IFT74: variants seen among roughly 807,000 people sequenced by gnomAD.
IFT74 encodes the protein intraflagellar transport 74, also known as intraflagellar transport protein 74 homolog.
Under a neutral mutation model 96.7 loss-of-function variants are expected in IFT74, and 92 were observed. The ratio of observed to expected loss-of-function variants is 0.95; its 90% CI spans 0.80 to 1.13. The LOEUF (loss-of-function observed/expected upper bound fraction) is 1.13. Among genes scored for constraint, IFT74 ranks in the 50% most tolerant of loss-of-function variants. The pLI is 0.00. For missense variants in IFT74, 811 were observed against 698.2 expected (o/e 1.16, Z -1.82); for synonymous variants, 223 against 213.2 (o/e 1.05, Z -0.40).
intron 9 of IFT74, among the ~76,000 whole-genome samples, chr9:27,011,191 G>T (rs371451874): frequency 1.4e-4 from 22 of 152,260 alleles, no homozygotes; most frequent in African/African-American, 4.3e-4. Context: ...GGCGGAGGTT[G>T]CAGTGAGCCG....
At chr9:27,048,542 G>A (rs984291730) in intron 16 of IFT74, among the ~76,000 whole-genome samples, 3 of 152,192 alleles carry the variant, frequency 2.0e-5, no homozygotes, top group African/African-American at 7.2e-5. Flanking sequence ...ATGTTAAAGT[G>A]CTAAGGATAG....
At chr9:27,010,119 T>G (rs527612220) in intron 9 of IFT74, among the ~76,000 whole-genome samples, 7 of 151,126 alleles carry the variant, frequency 4.6e-5, no homozygotes, top group Non-Finnish European at 8.9e-5. Context: ...TCCCAAGTAG[T>G]TGGCACTACA....
chr9:26,957,539 T>C (rs552637303), intron 1 of IFT74, among the ~76,000 whole-genome samples: 8 of 152,312 alleles, frequency 5.3e-5, no homozygotes, highest in African/African-American at 1.9e-4. Context: ...TGTGAACATA[T>C]TCAAATGAGA....
rs187023332 is a variant in IFT74, at chr9:26,999,628, G to A, written c.588-9392G>A. The A allele has an allele frequency of 3.7e-6, 6 of 1,602,306 alleles. No individual in the cohort carries two copies. In the Admixed American group the frequency reaches 6.9e-5, roughly 18 times the overall value. On this transcript the variant is annotated intron_variant, in intron 8 of 19. Coordinates refer to ENST00000380062, the MANE Select transcript of IFT74 (RefSeq NM_025103.4). ...TAAAAACTTACTCTTTTAGAAGACT[G>A]GATTTTGTCTGATAATAATATCATG...
chr9:26,984,151 A>C (rs906522330), intron 4 of IFT74, 106 bp from the exon 5 acceptor site: 7 of 879,126 alleles, frequency 8.0e-6, no homozygotes, highest in Non-Finnish European at 1.2e-5. Context: ...GAATTTCACA[A>C]AACTATTTAT....
At chr9:27,043,465 G>A (rs988943336) in intron 13 of IFT74, among the ~76,000 whole-genome samples, 3 of 152,144 alleles carry the variant, frequency 2.0e-5, no homozygotes, top group African/African-American at 7.2e-5. Context: ...CAGCTGCCAT[G>A]TTCCTTCAAA....
At chr9:26,982,387 G>T (rs767611059) in intron 4 of IFT74, 4 of 437,854 alleles carry the variant, frequency 9.1e-6, no homozygotes, top group South Asian at 4.8e-5. Flanking sequence ...CCTCAGCCTC[G>T]TGCCTGTAAT....
At chr9:26,987,292 A>C (rs1001196751) in intron 6 of IFT74, among the ~76,000 whole-genome samples, 1 of 152,024 alleles carries the variant, frequency 6.6e-6, no homozygotes, top group South Asian at 2.1e-4. Flanking sequence ...GGGTTTCACC[A>C]TGTTGGCCAG....
At chr9:27,045,001 T>C (rs1416041147) in intron 14 of IFT74, among the ~76,000 whole-genome samples, 2 of 152,222 alleles carry the variant, frequency 1.3e-5, no homozygotes, top group African/African-American at 4.8e-5. Flanking sequence ...TGAGTGTCTA[T>C]ACGTTGGGGC....
chr9:26,999,639 G>C (rs772679331), intron 8 of IFT74: 1 of 1,607,800 alleles, frequency 6.2e-7, no homozygotes, highest in Non-Finnish European at 8.5e-7. Context: ...GATTTTGTCT[G>C]ATAATAATAT....
Position 26,984,537 on chromosome 9 carries a change from G to A in IFT74, c.443G>A (p.Gly148Glu), listed in dbSNP as rs576013565. Reference protein sequence around the residue: ...TLAVEIKELQGQLADYNMLVD... With the variant: ...TLAVEIKELQEQLADYNMLVD... ...GCTGTTGAGATAAAAGAGCTTCAAG[G>A]ACAACTAGCAGACTACAACATGGTA... The change falls in exon 6 of 20, where the codon GGA becomes GAA. Residue 148 changes from glycine to glutamate, a missense_variant. By Grantham distance (98) the Gly-to-Glu change is moderately conservative. Coordinates refer to ENST00000380062, the MANE Select transcript of IFT74 (RefSeq NM_025103.4). 23 of 1,612,110 alleles carry A rather than the reference G, an allele frequency of 1.4e-5. 1 individual carries two copies. In the South Asian group the frequency reaches 2.1e-4, roughly 15 times the overall value.
intron 2 of IFT74, among the ~76,000 whole-genome samples, chr9:26,971,638 G>T (rs1826883217): frequency 6.6e-6 from 1 of 152,150 alleles, no homozygotes; most frequent in South Asian, 2.1e-4. Flanking sequence ...TTGGCTATTT[G>T]ATCTGCAAGG....
At chr9:26,962,142 G>A in intron 2 of IFT74, 55 bp downstream of exon 2, 3 of 1,573,682 alleles carry the variant, frequency 1.9e-6, no homozygotes, top group East Asian at 2.3e-5. Flanking sequence ...AGGACCACTT[G>A]AGTCCAGGAG....
intron 13 of IFT74, among the ~76,000 whole-genome samples, chr9:27,037,476 A>G (rs577935977): frequency 6.6e-6 from 1 of 152,360 alleles, no homozygotes; most frequent in South Asian, 2.1e-4. Context: ...GCATTAGCTG[A>G]TGACCAGGCA....
intron 13 of IFT74, among the ~76,000 whole-genome samples, chr9:27,042,906 T>C (rs1218943944): frequency 6.6e-6 from 1 of 152,208 alleles, no homozygotes; most frequent in East Asian, 1.9e-4. Context: ...TCCAACTCTT[T>C]CTGTTTCCCA....
intron 12 of IFT74, among the ~76,000 whole-genome samples, chr9:27,021,281 C>T (rs1262363752): frequency 6.6e-6 from 1 of 152,060 alleles, no homozygotes; most frequent in East Asian, 1.9e-4. Flanking sequence ...GCAAATTGTA[C>T]TGCTGTCAAC....
intron 12 of IFT74, among the ~76,000 whole-genome samples, chr9:27,022,023 G>T (rs935404439): frequency 6.6e-6 from 1 of 152,188 alleles, no homozygotes; most frequent in South Asian, 2.1e-4. Context: ...TGAGAGATGA[G>T]GATCCAGTTT....
chr9:26,956,363 A>C (rs1826092528), upstream of IFT74: 1 of 152,264 alleles, frequency 6.6e-6, no homozygotes, highest in South Asian at 2.1e-4. Flanking sequence ...CAGGATGAGG[A>C]GCCTCCGCTA....
At chr9:27,036,309 C>T in intron 13 of IFT74, 1 of 1,224,828 alleles carries the variant, frequency 8.2e-7, no homozygotes, top group Non-Finnish European at 1.1e-6. Flanking sequence ...AACTGTATTT[C>T]CCAGAGAATG....
Sources: gnomAD v4.1 joint callset for allele counts (sites outside exome capture counted in the v4.1 genomes callset) on GRCh38, gnomAD v4.1.1 for gene constraint, MANE v1.5 for transcripts, NCBI Gene and HGNC (gene_info 2026-07-23, HGNC 2026-07-21) for gene names.